Variants in VSX2 observed in about 807,000 individuals in gnomAD.
The protein encoded by VSX2 is ceh-10 homeo domain containing homolog.
A neutral mutation model predicts 32.1 loss-of-function variants in VSX2; 28 were observed. The ratio of observed to expected loss-of-function variants is 0.87; its 90% CI spans 0.65 to 1.20. VSX2 has a LOEUF of 1.20. Ranked by LOEUF, VSX2 falls within the 50% of genes most tolerant of loss-of-function variation. The probability of loss-of-function intolerance (pLI) is 0.00; values close to 1 mark genes in which losing one functional copy is unlikely to be tolerated. For missense variants in VSX2, 506 were observed against 488.7 expected, an observed-to-expected ratio of 1.04 and a Z score of -0.33; for synonymous variants, 243 against 214.1, an observed-to-expected ratio of 1.14 and a Z score of -1.18.
rs373655613 is a variant in VSX2, at chr14:74,244,932, A to C, written c.456-233A>C. The stretch of plus-strand genomic sequence containing the variant: ...TGTGTGTGTGTGTGTGTGTGTGTGA[A>C]AGAGAGAGAGAAAGTGTGTGTGTGT... On this transcript the variant is annotated intron_variant, in intron 2 of 4. Transcript: ENST00000261980. Among the ~76,000 whole-genome samples the C allele has an allele frequency of 9.2e-3, 328 of 35,562 alleles. 20 individuals are homozygous for C. Among genetic ancestry groups the C allele is most frequent in the African/African-American group, 0.027 (310 of 11,640 alleles). 23.3% of individuals were successfully genotyped at this position (35,562 alleles called of 152,430 possible). A position where few individuals can be genotyped will look rare whatever the true frequency, so the allele number is the denominator to read the frequency against.
chr14:74,241,056 C>A, intron 1 of VSX2, 126 bp from the exon 2 acceptor site: 1 of 960,600 alleles, frequency 1.0e-6, no homozygotes, highest in Non-Finnish European at 1.6e-6. Context: ...CGCCCGCAGG[C>A]TTCCTGGGGA....
chr14:74,242,692 G>A (rs980163988), intron 2 of VSX2, among the ~76,000 whole-genome samples: 1 of 149,906 alleles, frequency 6.7e-6, no homozygotes, highest in Non-Finnish European at 1.5e-5. Context: ...CATCTTACGC[G>A]GGTCCCAGGG....
At position 74,245,156 on chromosome 14, in the gene VSX2, T is replaced by C. The variant is rs2139633942; in HGVS notation, c.456-9T>C. ...TGGGGTCCTGAGTGTTCGGTCTTGC[T>C]CCCCTCAGGACAATCTTTACCTCCT... is the stretch of plus-strand genomic sequence containing the variant. On this transcript the variant is annotated splice_polypyrimidine_tract_variant and intron_variant, in intron 2 of 4. Transcript: ENST00000261980. The C allele has an allele frequency of 6.2e-7, 1 of 1,613,438 alleles. No individual in the cohort carries two copies. The highest frequency in any genetic ancestry group is 1.1e-5 in the South Asian group (1 of 91,016).
intron 4 of VSX2, among the ~76,000 whole-genome samples, chr14:74,260,275 G>T (rs1295485907): frequency 6.6e-6 from 1 of 152,178 alleles, no homozygotes; most frequent in Non-Finnish European, 1.5e-5. Flanking sequence ...AACAGCACCA[G>T]CTCCTCTTGG....
At chr14:74,251,428 C>T (rs1209232251) in intron 3 of VSX2, among the ~76,000 whole-genome samples, 1 of 152,156 alleles carries the variant, frequency 6.6e-6, no homozygotes, top group African/African-American at 2.4e-5. Flanking sequence ...CCAGCCTGGG[C>T]AACAAGAGCG....
At chr14:74,257,888 C>G (rs1437756293) in intron 3 of VSX2, among the ~76,000 whole-genome samples, 2 of 152,170 alleles carry the variant, frequency 1.3e-5, no homozygotes, top group Non-Finnish European at 2.9e-5. Flanking sequence ...TGCCGAGCGT[C>G]CCACTCATCA....
intron 2 of VSX2, 60 bp downstream of exon 2, chr14:74,241,326 C>G: frequency 6.4e-7 from 1 of 1,565,034 alleles, no homozygotes; most frequent in Admixed American, 1.7e-5. Context: ...GTCCCCCGTT[C>G]CGGGATCGGG....
intron 2 of VSX2, 44 bp downstream of exon 2, chr14:74,241,310 G>A (rs1266321198): frequency 1.9e-6 from 3 of 1,589,338 alleles, no homozygotes; most frequent in African/African-American, 1.3e-5. Context: ...CGCGCACCCC[G>A]CTGCCGTCCC....
At chr14:74,244,998 G>GAGAC (rs2079182008) in intron 2 of VSX2, among the ~76,000 whole-genome samples, 167 bp from the exon 3 acceptor site, 5 of 137,790 alleles carry the variant, frequency 3.6e-5, no homozygotes, top group Non-Finnish European at 6.4e-5. Context: ...GAGAGAGAGA[G>GAGAC]AGAGAGAGAC....
chr14:74,256,057 C>T (rs1399384689), intron 3 of VSX2, among the ~76,000 whole-genome samples: 23 of 152,198 alleles, frequency 1.5e-4, no homozygotes, highest in Non-Finnish European at 4.4e-5. Flanking sequence ...TCCAGTCTGG[C>T]TGCACAGATG....
At chr14:74,244,866 CAG>C (rs1277541481) in intron 2 of VSX2, among the ~76,000 whole-genome samples, 3 of 65,756 alleles carry the variant, frequency 4.6e-5, no homozygotes, top group Non-Finnish European at 1.1e-4. Context: ...AACTATGAGA[CAG>C]AGAGAGAGAG....
At chr14:74,258,869 C>CATTT (rs1436713133) in intron 3 of VSX2, among the ~76,000 whole-genome samples, 1 of 152,206 alleles carries the variant, frequency 6.6e-6, no homozygotes, top group Non-Finnish European at 1.5e-5. Context: ...TCCCTCCTCC[C>CATTT]ATTTGCTCCT....
intron 3 of VSX2, among the ~76,000 whole-genome samples, chr14:74,253,743 CA>C (rs2079244162): frequency 6.6e-6 from 1 of 152,096 alleles, no homozygotes; most frequent in South Asian, 2.1e-4. Context: ...CCAGCCTGGC[CA>C]ACATGGTGAA....
At chr14:74,250,399 C>T (rs138014942) in intron 3 of VSX2, among the ~76,000 whole-genome samples, 1 of 152,070 alleles carries the variant, frequency 6.6e-6, no homozygotes, top group South Asian at 2.1e-4. Flanking sequence ...CATATATATT[C>T]ATGTGTTTAT....
intron 1 of VSX2, 25 bp from the exon 2 acceptor site, chr14:74,241,157 G>A (rs1276209157): frequency 6.2e-7 from 1 of 1,610,262 alleles, no homozygotes; most frequent in Non-Finnish European, 8.5e-7. Context: ...CCACTCTGCC[G>A]CATGTCCCTA....
chr14:74,255,759 G>T (rs958504142), intron 3 of VSX2, among the ~76,000 whole-genome samples: 9 of 151,276 alleles, frequency 5.9e-5, no homozygotes, highest in African/African-American at 2.2e-4. Flanking sequence ...TGGGTGGGTG[G>T]GGGCATCTCT....
rs991486550 is a variant in VSX2, at chr14:74,261,074, C to T, written c.*155C>T. ...CATCACCCCTGGTGGCTGCAGGCAC[C>T]GCTGGGTTCTGACTCTGGACCATGC... On this transcript the variant is annotated 3_prime_UTR_variant, in exon 5 of 5. Transcript: ENST00000261980. 2.2e-5 allele frequency: 19 copies of T among 854,904 alleles called. No homozygotes were observed. The highest frequency in any genetic ancestry group is 1.9e-4 in the Admixed American group (8 of 41,258). 53.0% of individuals were successfully genotyped at this position (854,904 alleles called of 1,614,324 possible).
chr14:74,262,588 T>C lies in VSX2; in HGVS notation c.*1669T>C, dbSNP rs1049277471. ...AAGTGTTAGACTATAGCCCCTGGTGTGTAAATAATGTACATAGAGTGAGAA... is the reference window on the plus strand; with the variant it reads ...AAGTGTTAGACTATAGCCCCTGGTGCGTAAATAATGTACATAGAGTGAGAA... On this transcript the variant is annotated 3_prime_UTR_variant, in exon 5 of 5. Transcript: ENST00000261980. 1.1e-4 allele frequency: 17 copies of C among 152,268 alleles called. No homozygotes were observed. Among genetic ancestry groups the C allele is most frequent in the African/African-American group, 3.9e-4 (16 of 41,470 alleles). 9.4% of individuals were successfully genotyped at this position (152,268 alleles called of 1,614,324 possible).
intron 2 of VSX2, among the ~76,000 whole-genome samples, chr14:74,243,587 G>A (rs1285733834): frequency 1.3e-5 from 2 of 151,988 alleles, no homozygotes; most frequent in African/African-American, 4.8e-5. Flanking sequence ...TTTCTTTATT[G>A]TTTATTTTGA....
Sources: gnomAD v4.1 joint callset for allele counts (sites outside exome capture counted in the v4.1 genomes callset) on GRCh38, gnomAD v4.1.1 for gene constraint, MANE v1.5 for transcripts, NCBI Gene and HGNC (gene_info 2026-07-23, HGNC 2026-07-21) for gene names.